Variants in TOM1L2 observed in about 807,000 individuals in gnomAD.
TOM1L2 encodes target of myb1 like 2 membrane trafficking protein.
TOM1L2 carries 31 observed loss-of-function variants against 67.9 expected under a neutral mutation model. The observed-to-expected ratio is 0.46, with a 90% CI of 0.34 to 0.62. The LOEUF is 0.62. Ranked by LOEUF, TOM1L2 falls within the 20% of genes least tolerant of loss-of-function variation. TOM1L2 has a pLI of 0.01. For synonymous variants in TOM1L2, 256 were observed against 254.0 expected, an observed-to-expected ratio of 1.01 and a Z score of -0.07; for missense variants, 606 against 663.5, an observed-to-expected ratio of 0.91 and a Z score of 0.95.
At chr17:17,902,127 G>T (rs2038886197) in intron 2 of TOM1L2, among the ~76,000 whole-genome samples, 1 of 152,126 alleles carries the variant, frequency 6.6e-6, no homozygotes, top group Admixed American at 6.6e-5. Context: ...GGTGAGCTGA[G>T]ATCACACCAT....
intron 1 of TOM1L2, among the ~76,000 whole-genome samples, chr17:17,939,372 G>C (rs1598375886): frequency 6.6e-6 from 1 of 152,178 alleles, no homozygotes; most frequent in South Asian, 2.1e-4. Flanking sequence ...ATTCTATTCA[G>C]TCTTAAAAAA....
In TOM1L2 at chr17:17,870,672, C is replaced by T. The variant is rs554444677; in HGVS notation, c.778-1199G>A. On this transcript the variant is annotated intron_variant, in intron 7 of 14. Transcript: ENST00000379504. Reference sequence around the variant, plus strand: ...GTAACTGATTTATTCACAGGAGACACGGCAATCTCTCTTTAGTTCCTCATA... The same window carrying T: ...GTAACTGATTTATTCACAGGAGACATGGCAATCTCTCTTTAGTTCCTCATA... Among the ~76,000 whole-genome samples the T allele has an allele frequency of 1.9e-4, 29 of 152,340 alleles. No homozygotes were observed. The South Asian group carries it at 4.4e-3, about 23-fold the overall frequency.
chr17:17,879,892 C>T, intron 6 of TOM1L2, 149 bp from the exon 7 acceptor site: 2 of 712,520 alleles, frequency 2.8e-6, no homozygotes, highest in Non-Finnish European at 5.1e-6. Context: ...GCAGAGGCCA[C>T]CTTCTCATCT....
At chr17:17,956,194 T>C (rs887972272) in intron 1 of TOM1L2, among the ~76,000 whole-genome samples, 1 of 152,222 alleles carries the variant, frequency 6.6e-6, no homozygotes, top group Admixed American at 6.5e-5. Flanking sequence ...CTGATTGGTC[T>C]GTTTTACAGA....
intron 3 of TOM1L2, among the ~76,000 whole-genome samples, chr17:17,894,762 G>A (rs998434387): frequency 3.3e-5 from 5 of 152,126 alleles, no homozygotes; most frequent in East Asian, 1.9e-4. Context: ...GAAGCCCTGC[G>A]TCTACTACAA....
rs778120751 is a variant in TOM1L2, at chr17:17,871,187, G to A, written c.778-1714C>T. On this transcript the variant is annotated intron_variant, in intron 7 of 14. Coordinates refer to ENST00000379504, the MANE Select transcript of TOM1L2 (RefSeq NM_001082968.2). ...AGATCGAGACCATCCTGGCTAATAC[G>A]GTGAAACCCCGTCTCTACTAAAAAC... Among the ~76,000 whole-genome samples the A allele has an allele frequency of 1.7e-4, 26 of 150,864 alleles. 1 individual carries two copies. In the South Asian group the frequency reaches 1.9e-3, roughly 11 times the overall value.
chr17:17,962,824 G>A (rs35415447), intron 1 of TOM1L2, among the ~76,000 whole-genome samples: 13 of 152,016 alleles, frequency 8.6e-5, no homozygotes, highest in Non-Finnish European at 1.8e-4. Context: ...AGCTGGGCGT[G>A]GTGGCGCGTG....
chr17:17,955,580 C>T (rs2041404152), intron 1 of TOM1L2, among the ~76,000 whole-genome samples: 1 of 152,070 alleles, frequency 6.6e-6, no homozygotes, highest in Admixed American at 6.5e-5. Context: ...ACCTCGTGAT[C>T]CTCCTGCCTC....
intron 12 of TOM1L2, among the ~76,000 whole-genome samples, chr17:17,853,259 G>A (rs2036087480): frequency 6.6e-6 from 1 of 152,204 alleles, no homozygotes; most frequent in Admixed American, 6.5e-5. Context: ...CCACACTAGC[G>A]GTTAGAGTGT....
intron 3 of TOM1L2, among the ~76,000 whole-genome samples, chr17:17,896,219 T>C (rs142990508): frequency 5.9e-5 from 9 of 152,172 alleles, no homozygotes; most frequent in Admixed American, 2.6e-4. Context: ...CTCTCTAGGA[T>C]TCTCTAAAAC....
intron 13 of TOM1L2, 109 bp from the exon 14 acceptor site, chr17:17,848,968 C>G: frequency 1.0e-6 from 1 of 974,350 alleles, no homozygotes; most frequent in Non-Finnish European, 1.6e-6. Context: ...CCAGGGTAGC[C>G]TGAACAAAAC....
intron 4 of TOM1L2, 75 bp downstream of exon 4, chr17:17,893,586 G>A: frequency 7.7e-7 from 1 of 1,298,322 alleles, no homozygotes; most frequent in Non-Finnish European, 1.0e-6. Flanking sequence ...CAAATGGTGG[G>A]AGAGCATGAG....
At chr17:17,850,488 A>G (rs1428762500) in intron 13 of TOM1L2, among the ~76,000 whole-genome samples, 1 of 151,866 alleles carries the variant, frequency 6.6e-6, no homozygotes, top group Non-Finnish European at 1.5e-5. Flanking sequence ...TAAAAAAAAA[A>G]GAAATGAAAA....
chr17:17,948,744 C>T (rs919796936), intron 1 of TOM1L2, among the ~76,000 whole-genome samples: 1 of 152,114 alleles, frequency 6.6e-6, no homozygotes, highest in Admixed American at 6.6e-5. Flanking sequence ...GTTCACACCC[C>T]CTCTTGCTAA....
At chr17:17,868,907 CTTTTTT>C (rs1019522005) in intron 8 of TOM1L2, 1 of 164,758 alleles carries the variant, frequency 6.1e-6, no homozygotes, top group Non-Finnish European at 1.3e-5. Flanking sequence ...TTTCTTTTTT[CTTTTTT>C]TTTAAGATGG....
At chr17:17,903,407 A>T (rs1199737088) in intron 2 of TOM1L2, among the ~76,000 whole-genome samples, 1 of 151,952 alleles carries the variant, frequency 6.6e-6, no homozygotes, top group Non-Finnish European at 1.5e-5. Context: ...GCGGATCACG[A>T]GGTAAGGGGA....
intron 7 of TOM1L2, among the ~76,000 whole-genome samples, chr17:17,875,200 A>T (rs2037361441): frequency 6.6e-6 from 1 of 151,764 alleles, no homozygotes. Context: ...GAGGTTCAGT[A>T]AGCCAAGATC....
intron 1 of TOM1L2, among the ~76,000 whole-genome samples, chr17:17,948,969 G>C (rs2041069288): frequency 6.6e-6 from 1 of 152,164 alleles, no homozygotes; most frequent in Non-Finnish European, 1.5e-5. Flanking sequence ...AAGCCAAAAA[G>C]TTAAGAGTGC....
intron 13 of TOM1L2, 132 bp from the exon 14 acceptor site, chr17:17,848,991 C>T: frequency 1.4e-6 from 1 of 729,260 alleles, no homozygotes; most frequent in South Asian, 1.8e-5. Context: ...CCTAATTTTC[C>T]CTGTTTCCAG....
Sources: gnomAD v4.1 joint callset for allele counts (sites outside exome capture counted in the v4.1 genomes callset) on GRCh38, gnomAD v4.1.1 for gene constraint, MANE v1.5 for transcripts, NCBI Gene and HGNC (gene_info 2026-07-23, HGNC 2026-07-21) for gene names.